CA5A: variants seen among roughly 807,000 people sequenced by gnomAD.
CA5A encodes the protein carbonic anhydrase 5A.
A neutral mutation model predicts 37.1 loss-of-function variants in CA5A; 28 were observed. The ratio of observed to expected loss-of-function variants is 0.75; its 90% CI spans 0.56 to 1.03. The LOEUF is 1.03. Among genes scored for constraint, CA5A ranks in the 50% least tolerant of loss-of-function variants. The pLI is 0.00. For missense variants in CA5A, 444 were observed against 399.9 expected, an observed-to-expected ratio of 1.11 and a Z score of -0.94; for synonymous variants, 171 against 158.4, an observed-to-expected ratio of 1.08 and a Z score of -0.60.
At chr16:87,931,226 C>T (rs1436891715) in intron 1 of CA5A, among the ~76,000 whole-genome samples, 1 of 151,670 alleles carries the variant, frequency 6.6e-6, no homozygotes, top group South Asian at 2.1e-4. Context: ...ATTCTCCTGC[C>T]TCAGTCTCCC....
intron 2 of CA5A, among the ~76,000 whole-genome samples, chr16:87,922,394 C>G (rs2144048028): frequency 6.6e-6 from 1 of 152,298 alleles, no homozygotes; most frequent in Non-Finnish European, 1.5e-5. Context: ...GGGATAATTA[C>G]CATCTGCAAT....
At chr16:87,920,920 A>T (rs1254366516) in intron 2 of CA5A, among the ~76,000 whole-genome samples, 1 of 152,030 alleles carries the variant, frequency 6.6e-6, no homozygotes, top group Non-Finnish European at 1.5e-5. Flanking sequence ...CAGCCTTCCA[A>T]GTAGTTGGGA....
chr16:87,915,101 G>A (rs537646386), intron 2 of CA5A, among the ~76,000 whole-genome samples: 3 of 152,306 alleles, frequency 2.0e-5, no homozygotes, highest in African/African-American at 7.2e-5. Context: ...ACCGAATGAG[G>A]CTCGATGAAA....
chr16:87,915,115 C>T (rs560023166), intron 2 of CA5A, among the ~76,000 whole-genome samples: 22 of 152,314 alleles, frequency 1.4e-4, no homozygotes, highest in African/African-American at 2.2e-4. Flanking sequence ...GATGAAACCT[C>T]GACTCGCGTT....
intron 1 of CA5A, among the ~76,000 whole-genome samples, chr16:87,931,261 A>G (rs1380995072): frequency 6.7e-6 from 1 of 148,826 alleles, no homozygotes; most frequent in African/African-American, 2.5e-5. Flanking sequence ...ACAGGTGCCT[A>G]CCACCACGCC....
chr16:87,921,645 A>G (rs1640369341), intron 2 of CA5A, among the ~76,000 whole-genome samples: 1 of 152,068 alleles, frequency 6.6e-6, no homozygotes, highest in South Asian at 2.1e-4. Flanking sequence ...GGAGTCGGGG[A>G]TGGGCTCGCT....
At chr16:87,925,289 C>T (rs556122073) in intron 2 of CA5A, among the ~76,000 whole-genome samples, 351 of 152,254 alleles carry the variant, frequency 2.3e-3, no homozygotes, top group Admixed American at 3.7e-3. Flanking sequence ...GGACGCAGAG[C>T]GAGATCAGCC....
chr16:87,899,076 C>A (rs1391944152), intron 5 of CA5A, among the ~76,000 whole-genome samples: 1 of 152,024 alleles, frequency 6.6e-6, no homozygotes, highest in Non-Finnish European at 1.5e-5. Flanking sequence ...GGCGAGGAAG[C>A]TGAGGCTCAG....
At chr16:87,893,140 TTCTTTC>T in intron 5 of CA5A, 1 of 520,896 alleles carries the variant, frequency 1.9e-6, no homozygotes, top group Non-Finnish European at 3.3e-6. Flanking sequence ...CTTTCTTTCT[TTCTTTC>T]TTTTTTTTTT....
intron 5 of CA5A, 126 bp from the exon 6 acceptor site, chr16:87,892,080 G>C (rs1458422411): frequency 6.3e-6 from 5 of 788,124 alleles, no homozygotes; most frequent in South Asian, 2.2e-5. Context: ...AAGGCCATGA[G>C]GCCACTGCTG....
chr16:87,894,987 T>C (rs1368740985), intron 5 of CA5A, among the ~76,000 whole-genome samples: 2 of 152,206 alleles, frequency 1.3e-5, no homozygotes, highest in African/African-American at 4.8e-5. Context: ...CAATGGATCA[T>C]GTCTGTAATC....
At chr16:87,899,592 C>A (rs188857265) in intron 5 of CA5A, among the ~76,000 whole-genome samples, 4 of 150,550 alleles carry the variant, frequency 2.7e-5, no homozygotes, top group Non-Finnish European at 5.9e-5. Context: ...CGTGAGCCAC[C>A]GCACCCAGCC....
At chr16:87,917,778 ATGCACACATGTATACACAGTGCACATG>A (rs1567530596) in intron 2 of CA5A, among the ~76,000 whole-genome samples, 1 of 137,178 alleles carries the variant, frequency 7.3e-6, no homozygotes, top group South Asian at 2.5e-4. Context: ...ATGTGCACAC[ATGCACACATGTATACACAGTGCACATG>A]TGCACACATG....
At chr16:87,915,291 G>A (rs1194941606) in intron 2 of CA5A, among the ~76,000 whole-genome samples, 1 of 152,028 alleles carries the variant, frequency 6.6e-6, no homozygotes, top group Admixed American at 6.6e-5. Flanking sequence ...TTTCCTCCAA[G>A]GCCCAAACTG....
At chr16:87,891,142 C>T (rs932901394) in intron 6 of CA5A, among the ~76,000 whole-genome samples, 2 of 128,768 alleles carry the variant, frequency 1.6e-5, no homozygotes, top group African/African-American at 6.5e-5. Flanking sequence ...AATTAATTTT[C>T]GAAAAAAAAA....
In CA5A at chr16:87,936,267, A is replaced by G. The variant is rs534114007; in HGVS notation, c.142+42T>C. ...CTCGAAAGACCCCATCAGCTAAGAC[A>G]AGGATCCAGTCGCATCTTAGGAAAT... On this transcript the variant is annotated intron_variant, in intron 1 of 6. Coordinates refer to ENST00000649794, the MANE Select transcript of CA5A (RefSeq NM_001739.2). The G allele has an allele frequency of 1.7e-5, 24 of 1,429,502 alleles. No homozygotes were observed. In the African/African-American group the frequency reaches 2.5e-4, roughly 15 times the overall value. 88.6% of individuals were successfully genotyped at this position (1,429,502 alleles called of 1,614,324 possible). A position where few individuals can be genotyped will look rare whatever the true frequency, so the allele number is the denominator to read the frequency against.
At chr16:87,882,957 A>T (rs530261622) in intron 4 of CA5A, 1 of 152,348 alleles carries the variant, frequency 6.6e-6, no homozygotes, top group Non-Finnish European at 1.5e-5. Flanking sequence ...GCTAGAGGGC[A>T]GTGGCACAAT....
At chr16:87,888,006 A>T, downstream of CA5A, 1 of 1,422,668 alleles carries the variant, frequency 7.0e-7, no homozygotes, top group African/African-American at 1.4e-5. Flanking sequence ...TACTTCGACT[A>T]AAACAATAAC....
At chr16:87,931,847 C>T (rs1218506460) in intron 1 of CA5A, among the ~76,000 whole-genome samples, 1 of 152,252 alleles carries the variant, frequency 6.6e-6, no homozygotes, top group East Asian at 1.9e-4. Context: ...AGCCGGCGGC[C>T]ACAACAGGGG....
Sources: gnomAD v4.1 joint callset for allele counts (sites outside exome capture counted in the v4.1 genomes callset) on GRCh38, gnomAD v4.1.1 for gene constraint, MANE v1.5 for transcripts, NCBI Gene and HGNC (gene_info 2026-07-23, HGNC 2026-07-21) for gene names.